The following SLC38A1 variants were observed in gnomAD, a reference collection of about 807,000 sequenced individuals.
SLC38A1 encodes sodium-coupled neutral amino acid symporter 1.
SLC38A1 carries 18 observed loss-of-function variants against 60.3 expected under a neutral mutation model. The observed-to-expected ratio is 0.30, with a 90% confidence interval of 0.21 to 0.44. The LOEUF is 0.44. SLC38A1 is among the 20% of genes least tolerant of loss of function. SLC38A1 has a pLI of 1.00. For synonymous variants in SLC38A1, 196 were observed against 212.1 expected (o/e 0.92, Z 0.66); for missense variants, 448 against 587.2 (o/e 0.76, Z 2.45).
intron 1 of SLC38A1, among the ~76,000 whole-genome samples, chr12:46,252,996 GAA>G (rs71437760): frequency 7.1e-4 from 76 of 107,198 alleles, no homozygotes; most frequent in African/African-American, 1.2e-3. Flanking sequence ...ATCTTTTTTT[GAA>G]AAAAAAAAAA....
At chr12:46,242,083 G>A (rs1407188516) in intron 2 of SLC38A1, among the ~76,000 whole-genome samples, 1 of 152,150 alleles carries the variant, frequency 6.6e-6, no homozygotes, top group Non-Finnish European at 1.5e-5. Context: ...GCGTGCACGT[G>A]TGTAAAACTA....
chr12:46,237,336 A>C (rs561703387), intron 3 of SLC38A1, among the ~76,000 whole-genome samples: 3 of 152,236 alleles, frequency 2.0e-5, no homozygotes, highest in Non-Finnish European at 4.4e-5. Context: ...CAATACAGTA[A>C]GCCAGATAAC....
intron 1 of SLC38A1, among the ~76,000 whole-genome samples, chr12:46,255,723 T>C (rs1215839715): frequency 6.6e-6 from 1 of 152,244 alleles, no homozygotes; most frequent in Non-Finnish European, 1.5e-5. Context: ...ATGTACTAGG[T>C]GTGCAGCCTA....
At chr12:46,217,142 T>C (rs960010866) in intron 5 of SLC38A1, among the ~76,000 whole-genome samples, 2 of 152,340 alleles carry the variant, frequency 1.3e-5, no homozygotes, top group South Asian at 4.1e-4. Flanking sequence ...CTTTTTAAAA[T>C]ACTTCACTTA....
At chr12:46,238,326 G>A (rs1941328260) in intron 3 of SLC38A1, among the ~76,000 whole-genome samples, 1 of 152,146 alleles carries the variant, frequency 6.6e-6, no homozygotes, top group African/African-American at 2.4e-5. Context: ...AACCTCTTAA[G>A]AACATTTAAA....
chr12:46,188,354 A>T lies in SLC38A1; in HGVS notation c.*616T>A, dbSNP rs555340903. The T allele has an allele frequency of 6.5e-6, 1 of 152,690 alleles. No individual in the cohort carries two copies. Among genetic ancestry groups the T allele is most frequent in the African/African-American group, 2.4e-5 (1 of 41,580 alleles). 9.5% of individuals were successfully genotyped at this position (152,690 alleles called of 1,614,324 possible). On this transcript the variant is annotated 3_prime_UTR_variant, in exon 17 of 17. Transcript: ENST00000398637. Reference sequence around the variant, plus strand: ...GAATAGATGTGGTACCAGCTAGGCCACTGGACTACCCGAGTTCAGCTGCCA... The same window carrying T: ...GAATAGATGTGGTACCAGCTAGGCCTCTGGACTACCCGAGTTCAGCTGCCA...
In SLC38A1 at chr12:46,188,378, C is replaced by CGAGTTTCCACAA. The variant is rs1464640378; in HGVS notation, c.*591_*592insTTGTGGAAACTC. The CGAGTTTCCACAA allele has an allele frequency of 1.3e-5, 2 of 152,614 alleles. 1 individual carries two copies. Among genetic ancestry groups the CGAGTTTCCACAA allele is most frequent in the Admixed American group, 1.3e-4 (2 of 15,278 alleles). 9.5% of individuals were successfully genotyped at this position (152,614 alleles called of 1,614,324 possible). A position where few individuals can be genotyped will look rare whatever the true frequency, so the allele number is the denominator to read the frequency against. On this transcript the variant is annotated 3_prime_UTR_variant, in exon 17 of 17. Transcript: ENST00000398637. ...CACTGGACTACCCGAGTTCAGCTGCCAGGAAATCAGAGCCACCTCAAATAT... is the reference window on the plus strand; with the variant it reads ...CACTGGACTACCCGAGTTCAGCTGCCGAGTTTCCACAAAGGAAATCAGAGCCACCTCAAATAT...
rs185115562 is a variant in SLC38A1 at position 46,262,219 on chromosome 12, C to T, written c.-209+6307G>A. 6.4e-4 allele frequency among the ~76,000 whole-genome samples: 97 copies of T among 152,296 alleles called. 1 individual carries two copies. Among genetic ancestry groups the T allele is most frequent in the Admixed American group, 6.3e-3 (96 of 15,298 alleles). On this transcript the variant is annotated intron_variant, in intron 1 of 16. Transcript: ENST00000398637. ...AGTTCCCATATGATCTTTTAAATGT[C>T]TGTTATCAACATGACCAGCTTATGA...
intron 9 of SLC38A1, among the ~76,000 whole-genome samples, chr12:46,205,405 T>C (rs1939850890): frequency 1.3e-5 from 2 of 152,222 alleles, no homozygotes; most frequent in African/African-American, 4.8e-5. Context: ...AGAGCTTTTA[T>C]CCAAACTTCT....
intron 16 of SLC38A1, among the ~76,000 whole-genome samples, chr12:46,194,183 T>C (rs538543026): frequency 3.9e-5 from 6 of 152,330 alleles, no homozygotes; most frequent in African/African-American, 1.2e-4. Flanking sequence ...TATTTCTCCT[T>C]CACTTATGAA....
intron 3 of SLC38A1, 192 bp downstream of exon 3, chr12:46,239,487 C>G: frequency 2.1e-6 from 1 of 474,596 alleles, no homozygotes; most frequent in Non-Finnish European, 3.8e-6. Flanking sequence ...ACATGCCTGG[C>G]TAATTTTTTG....
At chr12:46,240,014 G>T in intron 2 of SLC38A1, 121 bp from the exon 3 acceptor site, 1 of 508,294 alleles carries the variant, frequency 2.0e-6, no homozygotes, top group South Asian at 2.4e-5. Flanking sequence ...GTTGCTACTA[G>T]ATGCATTAAA....
chr12:46,265,094 C>A (rs191637830), intron 1 of SLC38A1, among the ~76,000 whole-genome samples: 2 of 152,332 alleles, frequency 1.3e-5, no homozygotes, highest in Admixed American at 1.3e-4. Flanking sequence ...GGAATGCTAA[C>A]ACTATACCAA....
intron 3 of SLC38A1, among the ~76,000 whole-genome samples, chr12:46,231,466 A>G (rs917567028): frequency 6.6e-6 from 1 of 152,248 alleles, no homozygotes; most frequent in Non-Finnish European, 1.5e-5. Flanking sequence ...GTCCAGGCAT[A>G]GGCAAACTGC....
intron 8 of SLC38A1, among the ~76,000 whole-genome samples, chr12:46,206,762 C>T (rs1186081563): frequency 6.6e-6 from 1 of 152,176 alleles, no homozygotes; most frequent in Non-Finnish European, 1.5e-5. Context: ...GAGGTTGGCT[C>T]ATGTAAATTT....
intron 5 of SLC38A1, among the ~76,000 whole-genome samples, chr12:46,227,841 A>G (rs1429904348): frequency 6.6e-6 from 1 of 152,120 alleles, no homozygotes; most frequent in African/African-American, 2.4e-5. Context: ...TTAAAACTAC[A>G]TAGCCATTTA....
intron 1 of SLC38A1, among the ~76,000 whole-genome samples, chr12:46,263,287 A>G (rs942276872): frequency 6.6e-6 from 1 of 152,216 alleles, no homozygotes; most frequent in African/African-American, 2.4e-5. Context: ...TCAGGTAGGT[A>G]AGATAAATGG....
At chr12:46,257,448 G>T (rs1372316447) in intron 1 of SLC38A1, among the ~76,000 whole-genome samples, 2 of 152,232 alleles carry the variant, frequency 1.3e-5, no homozygotes, top group East Asian at 3.9e-4. Context: ...TGTCTTAGGA[G>T]AAACTCTAAC....
Position 46,268,718 on chromosome 12 carries a change from C to T in SLC38A1, c.-401G>A. 1 of 301,106 alleles carries T rather than the reference C, an allele frequency of 3.3e-6. No individual in the cohort carries two copies. Among genetic ancestry groups the T allele is most frequent in the South Asian group, 2.3e-5 (1 of 43,528 alleles). The allele number at this position is 301,106 out of a possible 1,614,324, so 18.7% of individuals were successfully genotyped here. A position where few individuals can be genotyped will look rare whatever the true frequency, so the allele number is the denominator to read the frequency against. Reference sequence around the variant, plus strand: ...GCGGATTTCGGAGGAAGGTGAAGGGCGGAGGCTCCTGGCGACCTTCTGGCG... The same window carrying T: ...GCGGATTTCGGAGGAAGGTGAAGGGTGGAGGCTCCTGGCGACCTTCTGGCG... On this transcript the variant is annotated 5_prime_UTR_variant, in exon 1 of 17. Transcript: ENST00000398637. This position sits in a 1 kb window ranked among gnomAD's most constrained non-coding sequence, Gnocchi z 4.4.
Sources: allele counts gnomAD v4.1 joint callset (sites outside exome capture counted in the v4.1 genomes callset), GRCh38; gene constraint gnomAD v4.1.1; non-coding constraint Gnocchi (gnomAD v3.1); transcripts MANE v1.5; gene names NCBI Gene and HGNC (gene_info 2026-07-23, HGNC 2026-07-21).